The following SEC23B variants were observed in gnomAD, a reference collection of about 807,000 sequenced individuals.
SEC23B encodes the protein protein transport protein Sec23B.
SEC23B carries 77 observed loss-of-function variants against 104.3 expected under a neutral mutation model. The observed-to-expected ratio is 0.74, with a 90% CI of 0.61 to 0.89. The LOEUF is 0.89. SEC23B is among the 40% of genes least tolerant of loss of function. The pLI is 0.00. For synonymous variants in SEC23B, 338 were observed against 332.5 expected (o/e 1.02, Z -0.18); for missense variants, 885 against 949.4 (o/e 0.93, Z 0.89).
At chr20:18,520,174 C>T (rs1441065152) in intron 4 of SEC23B, among the ~76,000 whole-genome samples, 5 of 152,092 alleles carry the variant, frequency 3.3e-5, no homozygotes, top group Non-Finnish European at 7.4e-5. Flanking sequence ...ATAGGCAAAA[C>T]AATTTGGTTG....
In SEC23B at chr20:18,526,380, T is replaced by C; in HGVS notation, c.842T>C (p.Phe281Ser). 6.2e-7 allele frequency: 1 copy of C among 1,614,104 alleles called. No individual in the cohort carries two copies. Among genetic ancestry groups the C allele is most frequent in the Non-Finnish European group, 8.5e-7 (1 of 1,179,938 alleles). ...TGCCATTCGCTATTTTAGGGCACTT[T>C]TCCAAACACAGGAGCCAGGATCATG... ...SIAVGLLEGT[F>S]PNTGARIMLF... is the part of the protein sequence containing the mutation. The change falls in exon 8 of 20, where the codon TTT becomes TCT. Residue 281 changes from phenylalanine (F) to serine (S), a missense_variant. By Grantham distance (155) the Phe-to-Ser change is radical. Transcript: ENST00000650089.
intron 4 of SEC23B, among the ~76,000 whole-genome samples, chr20:18,520,103 A>G (rs1412716291): frequency 1.3e-5 from 2 of 152,166 alleles, no homozygotes; most frequent in African/African-American, 4.8e-5. Flanking sequence ...GAACAGAATA[A>G]TGAGTTGTGG....
chr20:18,524,904 A>G (rs2060120751), intron 5 of SEC23B, 31 bp from the exon 6 acceptor site: 1 of 1,607,572 alleles, frequency 6.2e-7, no homozygotes, highest in Non-Finnish European at 8.5e-7. Flanking sequence ...TGTCATTGGA[A>G]ATGAATCTTT....
At position 18,524,437 on chromosome 20, in the gene SEC23B, G is replaced by T. The variant is rs1235574345; in HGVS notation, c.371G>T (p.Gly124Val). 8 of 1,613,226 alleles carry T rather than the reference G, an allele frequency of 5.0e-6. No homozygotes were observed. The highest frequency in any genetic ancestry group is 5.9e-6 in the Non-Finnish European group (7 of 1,179,234). ...GCTGTTTTTCTTTGCCCAAAGCGAG[G>T]TGCTCAGTCCCCTCTGATCTTTCTC... ...FSTIEYVIQR[G>V]AQSPLIFLYV... Residue 124 changes from glycine to valine, a missense_variant, in exon 5 of 20, where the codon GGT becomes GTT. Coordinates refer to ENST00000650089, the MANE Select transcript of SEC23B (RefSeq NM_006363.6).
chr20:18,535,283 G>A (rs1046225696), intron 11 of SEC23B, among the ~76,000 whole-genome samples: 3 of 151,742 alleles, frequency 2.0e-5, no homozygotes, highest in African/African-American at 7.3e-5. Flanking sequence ...GCTGAGGCGG[G>A]AGGATTGCTT....
intron 4 of SEC23B, among the ~76,000 whole-genome samples, chr20:18,517,511 T>G (rs1377194930): frequency 5.9e-5 from 9 of 152,294 alleles, no homozygotes; most frequent in African/African-American, 1.7e-4. Context: ...GTGCAGGTCA[T>G]AGGGGATATG....
At chr20:18,527,041 C>T (rs1028524607) in intron 8 of SEC23B, among the ~76,000 whole-genome samples, 6 of 152,176 alleles carry the variant, frequency 3.9e-5, no homozygotes, top group African/African-American at 1.2e-4. Flanking sequence ...CATGGCGAAA[C>T]GCCTGTCTGT....
chr20:18,524,373 A>G, intron 4 of SEC23B, 60 bp from the exon 5 acceptor site: 2 of 1,294,106 alleles, frequency 1.5e-6, no homozygotes, highest in Non-Finnish European at 2.3e-6. Context: ...ATTTGCCTTA[A>G]AAAGTGCTGG....
chr20:18,523,640 A>T (rs1174394441), intron 4 of SEC23B, among the ~76,000 whole-genome samples: 1 of 150,026 alleles, frequency 6.7e-6, no homozygotes, highest in African/African-American at 2.4e-5. Flanking sequence ...TGACCTCGTG[A>T]TCCACCTGTC....
intron 19 of SEC23B, among the ~76,000 whole-genome samples, chr20:18,555,620 G>A (rs921992963): frequency 1.3e-5 from 2 of 151,992 alleles, no homozygotes; most frequent in South Asian, 2.1e-4. Context: ...CAGCATTTAT[G>A]TCTCTCTCAG....
intron 4 of SEC23B, among the ~76,000 whole-genome samples, chr20:18,518,025 T>G (rs1315989602): frequency 6.6e-6 from 1 of 152,074 alleles, no homozygotes; most frequent in African/African-American, 2.4e-5. Context: ...CTTGGTGAGG[T>G]GTGTTTTTAA....
chr20:18,509,698 C>G (rs891591204), intron 1 of SEC23B: 4 of 152,370 alleles, frequency 2.6e-5, no homozygotes, highest in Admixed American at 6.5e-5. Flanking sequence ...GACGATTCTC[C>G]TGCCTCAACC....
At chr20:18,530,363 T>C (rs2060172638) in intron 9 of SEC23B, among the ~76,000 whole-genome samples, 1 of 152,102 alleles carries the variant, frequency 6.6e-6, no homozygotes. Flanking sequence ...GTGATTCTCC[T>C]GCCTCAGCCT....
At chr20:18,508,747 T>A (rs1210197827) in intron 1 of SEC23B, among the ~76,000 whole-genome samples, 1 of 117,890 alleles carries the variant, frequency 8.5e-6, no homozygotes, top group Non-Finnish European at 1.7e-5. Context: ...TGAGATGGAG[T>A]CTCGCTCTGT....
chr20:18,560,669 C>G lies in SEC23B; in HGVS notation c.2233C>G (p.Leu745Val), dbSNP rs966956239. 1.7e-5 allele frequency: 27 copies of G among 1,613,766 alleles called. No individual in the cohort carries two copies. The highest frequency in any genetic ancestry group is 2.0e-5 in the Non-Finnish European group (24 of 1,179,800). ...ATTTCAGGAAACTGGAGCACCCATC[C>G]TAACTGATGATGTTAGCCTGCAGGT... ...AWGQETGAPI[L>V]TDDVSLQVFM... is the part of the protein sequence containing the mutation. Residue 745 changes from leucine (L) to valine (V), a missense_variant, in exon 20 of 20, where the codon CTA becomes GTA. Leu to Val is a conservative substitution (Grantham distance 32). Transcript: ENST00000650089.
chr20:18,522,341 G>A (rs2060091171), intron 4 of SEC23B, among the ~76,000 whole-genome samples: 1 of 152,210 alleles, frequency 6.6e-6, no homozygotes, highest in Non-Finnish European at 1.5e-5. Context: ...AACACCAAGG[G>A]AAGGCTGTCT....
rs202039141 is a variant in SEC23B at position 18,540,393 on chromosome 20, G to A, written c.1405-1903G>A. 3.5e-4 allele frequency among the ~76,000 whole-genome samples: 53 copies of A among 152,202 alleles called. 1 individual carries two copies. In the East Asian group the frequency reaches 9.6e-3, roughly 28 times the overall value. ...TTGAAAGGAGTCTTTTTTTTCCTGA[G>A]CAGCAGGTCTCAACAGTGGGCTTTA... On this transcript the variant is annotated intron_variant, in intron 12 of 19. Coordinates refer to ENST00000650089, the MANE Select transcript of SEC23B (RefSeq NM_006363.6).
At chr20:18,522,627 C>T (rs6081180) in intron 4 of SEC23B, among the ~76,000 whole-genome samples, 103,493 of 151,926 alleles carry the variant, frequency 0.68, 36,689 homozygotes, top group Non-Finnish European at 0.8. Context: ...CCCTCTGACC[C>T]GGGTCTTCGG....
At chr20:18,558,611 G>A (rs2060463492) in intron 19 of SEC23B, among the ~76,000 whole-genome samples, 1 of 151,976 alleles carries the variant, frequency 6.6e-6, no homozygotes, top group African/African-American at 2.4e-5. Context: ...TTGTTCATTT[G>A]GGTAACTTCT....
Sources: allele counts gnomAD v4.1 joint callset (sites outside exome capture counted in the v4.1 genomes callset), GRCh38; gene constraint gnomAD v4.1.1; transcripts MANE v1.5; gene names NCBI Gene and HGNC (gene_info 2026-07-23, HGNC 2026-07-21).